Variants in EDIL3 observed in about 807,000 individuals in gnomAD.
EDIL3 encodes EGF like and discoidin domains 3.
A neutral mutation model predicts 67.4 loss-of-function variants in EDIL3; 37 were observed. That is an observed-to-expected ratio of 0.55 (90% CI 0.42 to 0.72). The LOEUF (loss-of-function observed/expected upper bound fraction) is 0.72. Among genes scored for constraint, EDIL3 ranks in the 30% least tolerant of loss-of-function variants. The probability of loss-of-function intolerance (pLI) is 0.00; values close to 1 mark genes in which losing one functional copy is unlikely to be tolerated. For missense variants in EDIL3, 527 were observed against 586.3 expected (o/e 0.90, Z 1.04); for synonymous variants, 195 against 196.3 (o/e 0.99, Z 0.05).
chr5:84,357,388 A>G (rs986585394), intron 1 of EDIL3, among the ~76,000 whole-genome samples: 1 of 152,184 alleles, frequency 6.6e-6, no homozygotes, highest in Admixed American at 6.5e-5. Context: ...AGTGAATACT[A>G]TGAATATATG....
At chr5:84,151,970 G>T (rs1748402996) in intron 4 of EDIL3, among the ~76,000 whole-genome samples, 1 of 150,712 alleles carries the variant, frequency 6.6e-6, no homozygotes, top group Non-Finnish European at 1.5e-5. Flanking sequence ...CAGGAGAGCA[G>T]TGGCACGATC....
chr5:84,145,938 T>C (rs1748284387), intron 4 of EDIL3, among the ~76,000 whole-genome samples: 1 of 152,140 alleles, frequency 6.6e-6, no homozygotes, highest in Non-Finnish European at 1.5e-5. Context: ...ATGCTTTACA[T>C]TTTGTATATT....
chr5:84,211,331 C>A (rs922274074), intron 3 of EDIL3, among the ~76,000 whole-genome samples: 7 of 152,176 alleles, frequency 4.6e-5, no homozygotes, highest in African/African-American at 1.7e-4. Flanking sequence ...AATGTCTGCT[C>A]CTCTCTGCCT....
intron 6 of EDIL3, among the ~76,000 whole-genome samples, chr5:84,083,363 G>A (rs189639593): frequency 1.3e-5 from 2 of 152,232 alleles, no homozygotes; most frequent in East Asian, 1.9e-4. Context: ...TTTAGGGTAT[G>A]CAAAGAGGCT....
chr5:84,150,858 C>A (rs1748377209), intron 4 of EDIL3, among the ~76,000 whole-genome samples: 1 of 152,108 alleles, frequency 6.6e-6, no homozygotes, highest in African/African-American at 2.4e-5. Flanking sequence ...ATAGTAATAA[C>A]CCCAAACCTG....
chr5:84,092,715 C>T (rs949337053), intron 6 of EDIL3, among the ~76,000 whole-genome samples: 1 of 151,880 alleles, frequency 6.6e-6, no homozygotes, highest in South Asian at 2.1e-4. Flanking sequence ...AGTTTCTAAA[C>T]TCATGGTGTG....
chr5:84,215,596 C>T (rs149686077), intron 3 of EDIL3, among the ~76,000 whole-genome samples: 22 of 152,186 alleles, frequency 1.4e-4, no homozygotes, highest in Admixed American at 1.2e-3. Context: ...ATTAAAAATA[C>T]GCAGGCAAAA....
At chr5:84,010,849 T>C (rs1326699640) in intron 9 of EDIL3, among the ~76,000 whole-genome samples, 1 of 152,154 alleles carries the variant, frequency 6.6e-6, no homozygotes, top group Non-Finnish European at 1.5e-5. Flanking sequence ...CAGATAGGCA[T>C]GAAGCCTAGG....
At chr5:83,960,909 T>C (rs757751114) in intron 10 of EDIL3, among the ~76,000 whole-genome samples, 12 of 151,020 alleles carry the variant, frequency 7.9e-5, no homozygotes, top group Non-Finnish European at 1.8e-4. Flanking sequence ...ATGCTCCACT[T>C]GAAAAGCAGA....
At chr5:84,371,600 T>G (rs1387038118) in intron 1 of EDIL3, among the ~76,000 whole-genome samples, 2 of 151,210 alleles carry the variant, frequency 1.3e-5, no homozygotes, top group African/African-American at 4.8e-5. Flanking sequence ...TTAGTACATA[T>G]GTACATGATA....
At chr5:84,077,323 G>A (rs1746880269) in intron 6 of EDIL3, among the ~76,000 whole-genome samples, 1 of 152,156 alleles carries the variant, frequency 6.6e-6, no homozygotes, top group Non-Finnish European at 1.5e-5. Flanking sequence ...GCTTCTTCAA[G>A]GGATATGTGA....
chr5:84,058,427 GA>G (rs1250525506), intron 9 of EDIL3, among the ~76,000 whole-genome samples: 2 of 152,040 alleles, frequency 1.3e-5, no homozygotes, highest in Non-Finnish European at 2.9e-5. Context: ...ACTAGAAACG[GA>G]AAAGCTGGTT....
At chr5:83,988,844 C>CA in intron 9 of EDIL3, among the ~76,000 whole-genome samples, 1 of 152,028 alleles carries the variant, frequency 6.6e-6, no homozygotes, top group Non-Finnish European at 1.5e-5. Context: ...AATCTCAATA[C>CA]AAAAATGCAA....
chr5:84,368,891 T>C lies in EDIL3; in HGVS notation c.67+15417A>G, dbSNP rs374235130. Among the ~76,000 whole-genome samples, 8 of 151,988 alleles carry C rather than the reference T, an allele frequency of 5.3e-5. No homozygotes were observed. The East Asian group carries it at 9.7e-4, about 18-fold the overall frequency. On this transcript the variant is annotated intron_variant, in intron 1 of 10. Transcript: ENST00000296591. ...AAAGATGCTCAACATCACTAATAGTTGGGAAAATGCAAGTCAAAACTAAAA... is the reference window on the plus strand; with the variant it reads ...AAAGATGCTCAACATCACTAATAGTCGGGAAAATGCAAGTCAAAACTAAAA...
chr5:84,026,247 C>A (rs1745811480), intron 9 of EDIL3, among the ~76,000 whole-genome samples: 1 of 152,168 alleles, frequency 6.6e-6, no homozygotes, highest in Admixed American at 6.5e-5. Context: ...TATAAGATTT[C>A]TGTTTTGATC....
chr5:84,055,850 A>C (rs950341622), intron 9 of EDIL3, among the ~76,000 whole-genome samples: 5 of 152,214 alleles, frequency 3.3e-5, no homozygotes, highest in Admixed American at 3.3e-4. Flanking sequence ...GAACACTTTT[A>C]CACTGTTGGT....
intron 6 of EDIL3, among the ~76,000 whole-genome samples, chr5:84,074,529 G>C (rs1746812707): frequency 1.3e-5 from 2 of 152,002 alleles, no homozygotes; most frequent in African/African-American, 4.8e-5. Context: ...CCATCAAAAA[G>C]TGGGCAAAGG....
chr5:83,970,330 C>G (rs1217489498), intron 9 of EDIL3, among the ~76,000 whole-genome samples: 4 of 141,302 alleles, frequency 2.8e-5, no homozygotes, highest in Non-Finnish European at 4.6e-5. Flanking sequence ...AGAAATGTTC[C>G]TGCTGATTTT....
At chr5:84,178,316 A>C (rs966328335) in intron 4 of EDIL3, among the ~76,000 whole-genome samples, 4 of 152,188 alleles carry the variant, frequency 2.6e-5, no homozygotes, top group Admixed American at 2.6e-4. Context: ...ATCCTGATGC[A>C]CGAGCACATT....
Sources: gnomAD v4.1 joint callset for allele counts (sites outside exome capture counted in the v4.1 genomes callset) on GRCh38, gnomAD v4.1.1 for gene constraint, MANE v1.5 for transcripts, NCBI Gene and HGNC (gene_info 2026-07-23, HGNC 2026-07-21) for gene names.